MAOA: variants seen among roughly 807,000 people sequenced by gnomAD.
MAOA encodes monoamine oxidase A, also known as amine oxidase [flavin-containing] A.
In MAOA, 6 loss-of-function variants were observed where a neutral mutation model predicts 42.0. The observed-to-expected ratio is 0.14, with a 90% CI of 0.08 to 0.28. The LOEUF is 0.28. Among genes scored for constraint, MAOA ranks in the 10% least tolerant of loss-of-function variants. The pLI, the probability that MAOA is intolerant of heterozygous loss-of-function variation, is 1.00. For synonymous variants in MAOA, 140 were observed against 154.0 expected, an observed-to-expected ratio of 0.91 and a Z score of 0.67; for missense variants, 262 against 422.3, an observed-to-expected ratio of 0.62 and a Z score of 3.33.
chrX:43,691,505 A>G (rs776570195), intron 2 of MAOA, among the ~76,000 whole-genome samples: 1 of 112,629 alleles, frequency 8.9e-6, no homozygotes, highest in South Asian at 3.7e-4. Context: ...AAATGTACAT[A>G]TTGTGAGAAA....
chrX:43,715,117 G>A (rs1462887922), intron 5 of MAOA, among the ~76,000 whole-genome samples: 1 of 110,793 alleles, frequency 9.0e-6, no homozygotes, highest in Admixed American at 9.6e-5. Flanking sequence ...CACAGATGGT[G>A]TAGATCATTT....
intron 5 of MAOA, among the ~76,000 whole-genome samples, chrX:43,714,711 G>A (rs1239375327): frequency 9.4e-6 from 1 of 106,219 alleles, no homozygotes; most frequent in Non-Finnish European, 1.9e-5. Flanking sequence ...GATCCCTGTG[G>A]GGGTATGGTA....
chrX:43,687,922 TTA>T (rs756322121), intron 2 of MAOA, among the ~76,000 whole-genome samples: 84 of 112,975 alleles, frequency 7.4e-4, no homozygotes, highest in Non-Finnish European at 1.0e-3. Flanking sequence ...GGAGCCACCA[TTA>T]TATCTCTAGG....
chrX:43,689,284 C>T (rs1285892790), intron 2 of MAOA, among the ~76,000 whole-genome samples: 1 of 111,599 alleles, frequency 9.0e-6, no homozygotes, highest in African/African-American at 3.3e-5. Flanking sequence ...CAAACTTGGT[C>T]CATCTATATT....
intron 5 of MAOA, among the ~76,000 whole-genome samples, chrX:43,716,001 G>A (rs1460076596): frequency 9.1e-6 from 1 of 110,403 alleles, no homozygotes; most frequent in African/African-American, 3.3e-5. Context: ...TAGAGAGATG[G>A]TATCTTCCAG....
chrX:43,711,926 T>A lies in MAOA; in HGVS notation c.361T>A (p.Tyr121Asn). 1 of 1,207,243 alleles carries A rather than the reference T, an allele frequency of 8.3e-7. No homozygotes were observed. Among genetic ancestry groups the A allele is most frequent in the African/African-American group, 1.8e-5 (1 of 57,054 alleles). Residue 121 changes from tyrosine to asparagine, a missense_variant, in exon 4 of 15, where the codon TAT (tyrosine) becomes AAT (asparagine). By Grantham distance (143) the Tyr-to-Asn change is moderately radical (BLOSUM62 -2). Around this residue, in one of 3 missense-constraint regions of MAOA, gnomAD observed 141 missense variants for 195.6 expected, o/e 0.72. Coordinates refer to ENST00000338702, the MANE Select transcript of MAOA (RefSeq NM_000240.4). ...AFPPVWNPIA[Y>N]LDYNNLWRTI... ...TCCACCAGTATGGAATCCCATTGCATATTTGGATTACAATAATCTGTGGAG... is the reference window on the plus strand; with the variant it reads ...TCCACCAGTATGGAATCCCATTGCAAATTTGGATTACAATAATCTGTGGAG...
In MAOA at chrX:43,693,421, A is replaced by G; in HGVS notation, c.299A>G (p.Tyr100Cys). ...AATGTCAGTGAGCGTCTCGTTCAAT[A>G]TGTCAAGGTAAGGCTGACTTTTCAC... ...KVNVSERLVQ[Y>C]VKGKTYPFRG... Residue 100 changes from tyrosine (Y) to cysteine (C), a missense_variant, in exon 3 of 15, where the codon TAT (tyrosine) becomes TGT (cysteine). Physicochemically the swap from Tyr to Cys is radical, Grantham distance 194. Around this residue, in one of 3 missense-constraint regions of MAOA, gnomAD observed 141 missense variants for 195.6 expected, o/e 0.72. Coordinates refer to ENST00000338702, the MANE Select transcript of MAOA (RefSeq NM_000240.4). 3 of 1,210,611 alleles carry G rather than the reference A, an allele frequency of 2.5e-6. No individual in the cohort carries two copies. Among genetic ancestry groups the G allele is most frequent in the Non-Finnish European group, 3.4e-6 (3 of 894,362 alleles).
chrX:43,708,821 C>T (rs1328763023), intron 3 of MAOA, among the ~76,000 whole-genome samples: 1 of 108,407 alleles, frequency 9.2e-6, no homozygotes, highest in Non-Finnish European at 1.9e-5. Context: ...TGCCACCATG[C>T]CCGGCTGATT....
At chrX:43,674,401 A>G (rs1168575133) in intron 1 of MAOA, among the ~76,000 whole-genome samples, 1 of 110,759 alleles carries the variant, frequency 9.0e-6, no homozygotes, top group Non-Finnish European at 1.9e-5. Flanking sequence ...TCTTTATCCA[A>G]TTTGCCAGTC....
intron 10 of MAOA, among the ~76,000 whole-genome samples, chrX:43,738,111 G>A (rs184327805): frequency 4.6e-3 from 518 of 112,160 alleles, no homozygotes; most frequent in Middle Eastern, 4.6e-3. Context: ...GGTGGGGCCT[G>A]TGTATTTGTA....
At chrX:43,743,577 A>T in intron 12 of MAOA, 2 of 443,689 alleles carry the variant, frequency 4.5e-6, no homozygotes, top group Non-Finnish European at 4.0e-6. Context: ...ATGATTGATG[A>T]TCTGATGGCC....
chrX:43,731,455 C>A (rs754852378), intron 7 of MAOA, 65 bp downstream of exon 7: 2 of 1,082,272 alleles, frequency 1.8e-6, no homozygotes, highest in Non-Finnish European at 1.3e-6. Flanking sequence ...AGTTTCTAAC[C>A]AGATATAATT....
chrX:43,702,853 C>G (rs1187568186), intron 3 of MAOA, among the ~76,000 whole-genome samples: 1 of 110,783 alleles, frequency 9.0e-6, no homozygotes, highest in Non-Finnish European at 1.9e-5. Flanking sequence ...ATAGCCATAT[C>G]TAGCAGATAA....
chrX:43,696,735 C>CA (rs752514840), intron 3 of MAOA, among the ~76,000 whole-genome samples: 720 of 41,232 alleles, frequency 0.017, 6 homozygotes, highest in African/African-American at 0.047. Context: ...GACTCCGTCT[C>CA]AAAAAAAAAA....
At chrX:43,696,909 C>T (rs991685235) in intron 3 of MAOA, among the ~76,000 whole-genome samples, 10 of 111,615 alleles carry the variant, frequency 9.0e-5, no homozygotes, top group Non-Finnish European at 1.7e-4. Context: ...AAACACATAC[C>T]GTGCCTACAC....
chrX:43,721,752 C>T (rs756474314), intron 5 of MAOA, among the ~76,000 whole-genome samples: 81 of 108,635 alleles, frequency 7.5e-4, no homozygotes, highest in Admixed American at 3.0e-3. Context: ...AGGTTTGTTA[C>T]ATAGGTATCC....
chrX:43,664,668 T>G (rs2033261562), intron 1 of MAOA, among the ~76,000 whole-genome samples: 1 of 112,207 alleles, frequency 8.9e-6, no homozygotes, highest in Non-Finnish European at 1.9e-5. Flanking sequence ...GAAGACCATT[T>G]TCTTGCTTGT....
At chrX:43,703,962 T>A (rs1449018472) in intron 3 of MAOA, among the ~76,000 whole-genome samples, 1 of 111,652 alleles carries the variant, frequency 9.0e-6, no homozygotes, top group Non-Finnish European at 1.9e-5. Context: ...AATAGAAAAT[T>A]GAATAGACCT....
intron 5 of MAOA, among the ~76,000 whole-genome samples, chrX:43,715,817 CA>C (rs2033738767): frequency 9.1e-6 from 1 of 109,875 alleles, no homozygotes; most frequent in African/African-American, 3.3e-5. Context: ...AGGGGGAGGG[CA>C]TGTTACTTCT....
Sources: gnomAD v4.1 joint callset for allele counts (sites outside exome capture counted in the v4.1 genomes callset) on GRCh38, gnomAD v4.1.1 for gene constraint, gnomAD v4.1.1 regional missense constraint, MANE v1.5 for transcripts, NCBI Gene and HGNC (gene_info 2026-07-23, HGNC 2026-07-21) for gene names.